RFC2: variants seen among roughly 807,000 people sequenced by gnomAD.
RFC2 encodes the protein replication factor C subunit 2, also known as A1 40 kDa subunit.
Under a neutral mutation model 44.8 loss-of-function variants are expected in RFC2, and 34 were observed. That is an observed-to-expected ratio of 0.76 (90% confidence interval 0.58 to 1.01). The LOEUF is 1.01. Ranked by LOEUF, RFC2 falls within the 50% of genes least tolerant of loss-of-function variation. RFC2 has a pLI of 0.00. For missense variants in RFC2, 400 were observed against 453.6 expected, an observed-to-expected ratio of 0.88 and a Z score of 1.07; for synonymous variants, 177 against 168.9, an observed-to-expected ratio of 1.05 and a Z score of -0.37.
Position 74,231,881 on chromosome 7 carries a change from T to G in RFC2, c.*225A>C, listed in dbSNP as rs782744465. The G allele has an allele frequency of 1.3e-5, 5 of 388,368 alleles. No individual in the cohort carries two copies. The highest frequency in any genetic ancestry group is 2.3e-5 in the Non-Finnish European group (5 of 215,478). 24.1% of individuals were successfully genotyped at this position (388,368 alleles called of 1,614,324 possible). On this transcript the variant is annotated 3_prime_UTR_variant, in exon 11 of 11. Coordinates refer to ENST00000055077, the MANE Select transcript of RFC2 (RefSeq NM_181471.3). ...TTTTAGTAAAGACAGGGTTTCCCCA[T>G]GTTGGCCAGGCTGGTCTTGAACTTC...
intron 1 of RFC2, among the ~76,000 whole-genome samples, 177 bp from the exon 2 acceptor site, chr7:74,252,675 C>G (rs1315992343): frequency 6.6e-6 from 1 of 152,162 alleles, no homozygotes; most frequent in Non-Finnish European, 1.5e-5. Context: ...TGGCTCACAC[C>G]TGTAATCCTA....
chr7:74,240,191 C>G, intron 6 of RFC2, 96 bp from the exon 7 acceptor site: 1 of 1,108,820 alleles, frequency 9.0e-7, no homozygotes, highest in Admixed American at 2.2e-5. Context: ...ACAATCCACA[C>G]AGCCCCAGGC....
chr7:74,237,848 C>T (rs911773094), intron 8 of RFC2, among the ~76,000 whole-genome samples: 1 of 152,126 alleles, frequency 6.6e-6, no homozygotes, highest in Non-Finnish European at 1.5e-5. Flanking sequence ...ACTGGCCTTC[C>T]CTACAAAAGG....
intron 5 of RFC2, among the ~76,000 whole-genome samples, chr7:74,244,085 T>C (rs1554719625): frequency 1.7e-5 from 2 of 114,888 alleles, no homozygotes; most frequent in African/African-American, 7.2e-5. Context: ...ACGTCAACTC[T>C]ACTAAAAATA....
rs782112033 is a variant in RFC2 at position 74,246,695 on chromosome 7, C to G, written c.401G>C (p.Arg134Pro). The change falls in exon 5 of 11, where the codon CGA becomes CCA. Residue 134 changes from arginine to proline, a missense_variant. Transcript: ENST00000055077. The stretch of plus-strand genomic sequence containing the variant: ...TTCATCCAGAATGATGATCTTATGT[C>G]GGCCTTTGGGAAGAGTGACTTTTTG... Reference protein sequence around the residue: ...AQQKVTLPKGRHKIIILDEAD... With the variant: ...AQQKVTLPKGPHKIIILDEAD... 1 of 1,611,394 alleles carries G rather than the reference C, an allele frequency of 6.2e-7. No individual in the cohort carries two copies. The highest frequency in any genetic ancestry group is 1.1e-5 in the South Asian group (1 of 90,796).
chr7:74,249,197 T>A lies in RFC2; in HGVS notation c.226-79A>T, dbSNP rs544069260. 5.0e-6 allele frequency: 8 copies of A among 1,602,900 alleles called. No individual in the cohort carries two copies. In the South Asian group the frequency reaches 8.8e-5, roughly 18 times the overall value. On this transcript the variant is annotated intron_variant, in intron 3 of 10. Coordinates refer to ENST00000055077, the MANE Select transcript of RFC2 (RefSeq NM_181471.3). ...GCTCTTGAGTTATGTTCACTGCTGTTTGCATCTCCGTCACCTCTGACCCCT... is the reference window on the plus strand; with the variant it reads ...GCTCTTGAGTTATGTTCACTGCTGTATGCATCTCCGTCACCTCTGACCCCT...
intron 3 of RFC2, chr7:74,249,319 T>C: frequency 1.2e-6 from 1 of 825,102 alleles, no homozygotes; most frequent in Non-Finnish European, 1.9e-6. Context: ...GGCGGGCAGA[T>C]CACCTGAGGT....
At chr7:74,243,078 A>G in intron 6 of RFC2, 68 bp downstream of exon 6, 2 of 1,009,176 alleles carry the variant, frequency 2.0e-6, no homozygotes, top group East Asian at 2.4e-5. Flanking sequence ...GGGAGACCAC[A>G]TCTATAAAAA....
intron 1 of RFC2, among the ~76,000 whole-genome samples, chr7:74,252,782 A>C (rs1226786645): frequency 6.6e-6 from 1 of 152,052 alleles, no homozygotes; most frequent in Non-Finnish European, 1.5e-5. Context: ...TTAAAATACA[A>C]AAATTAGCTG....
chr7:74,238,824 G>T lies in RFC2; in HGVS notation c.759+99C>A. On this transcript the variant is annotated intron_variant, in intron 8 of 10. Coordinates refer to ENST00000055077, the MANE Select transcript of RFC2 (RefSeq NM_181471.3). The surrounding 1 kb of genome is among the most constrained non-coding windows in gnomAD (Gnocchi z 4.0). ...TCCCTGGCACCCACAAGAGCAGCTAGATGTCCGTCCCCACTGCCAGCCCAG... is the reference window on the plus strand; with the variant it reads ...TCCCTGGCACCCACAAGAGCAGCTATATGTCCGTCCCCACTGCCAGCCCAG... The T allele has an allele frequency of 2.2e-6, 2 of 913,530 alleles. No homozygotes were observed. The highest frequency in any genetic ancestry group is 3.7e-5 in the Admixed American group (2 of 53,818). 56.6% of individuals were successfully genotyped at this position (913,530 alleles called of 1,614,324 possible). A position where few individuals can be genotyped will look rare whatever the true frequency, so the allele number is the denominator to read the frequency against.
chr7:74,249,241 A>T, intron 3 of RFC2, 123 bp from the exon 4 acceptor site: 1 of 1,542,196 alleles, frequency 6.5e-7, no homozygotes. Flanking sequence ...CCCACAGCAC[A>T]CACAGATCAA....
At chr7:74,239,467 G>T (rs139817343) in intron 7 of RFC2, among the ~76,000 whole-genome samples, 2 of 152,016 alleles carry the variant, frequency 1.3e-5, no homozygotes, top group Non-Finnish European at 1.5e-5. Context: ...GAGTAGCTGA[G>T]ACTACAGGCG....
chr7:74,252,694 T>G (rs797038546), intron 1 of RFC2, among the ~76,000 whole-genome samples, 196 bp from the exon 2 acceptor site: 5 of 152,158 alleles, frequency 3.3e-5, no homozygotes, highest in African/African-American at 1.2e-4. Context: ...TAGCACTTTG[T>G]GAGGCTGAGG....
At chr7:74,248,922 G>C (rs149292802) in intron 4 of RFC2, 90 bp downstream of exon 4, 4 of 879,580 alleles carry the variant, frequency 4.5e-6, no homozygotes, top group Non-Finnish European at 7.6e-6. Context: ...GCAAGGCTTC[G>C]CATACAACCC....
At chr7:74,248,849 C>A (rs1195942536) in intron 4 of RFC2, among the ~76,000 whole-genome samples, 163 bp downstream of exon 4, 1 of 152,198 alleles carries the variant, frequency 6.6e-6, no homozygotes, top group Admixed American at 6.6e-5. Flanking sequence ...AAAAATAAAC[C>A]GGCAAGTTGA....
At chr7:74,242,668 G>C (rs1289598811) in intron 6 of RFC2, among the ~76,000 whole-genome samples, 1 of 149,960 alleles carries the variant, frequency 6.7e-6, no homozygotes, top group African/African-American at 2.5e-5. Context: ...TGTAATTCCA[G>C]CACTTTGGGA....
At chr7:74,239,371 G>A (rs1006019826) in intron 7 of RFC2, among the ~76,000 whole-genome samples, 1 of 150,912 alleles carries the variant, frequency 6.6e-6, no homozygotes, top group Admixed American at 6.6e-5. Flanking sequence ...TCGCTCTGTC[G>A]CCCAGGCTGG....
At chr7:74,246,338 G>A (rs1419217348) in intron 5 of RFC2, among the ~76,000 whole-genome samples, 4 of 151,456 alleles carry the variant, frequency 2.6e-5, no homozygotes, top group African/African-American at 9.7e-5. Context: ...GGCGGAGGTT[G>A]CAGTGAGCAG....
intron 9 of RFC2, among the ~76,000 whole-genome samples, chr7:74,236,554 C>T (rs1171524360): frequency 6.6e-6 from 1 of 152,168 alleles, no homozygotes; most frequent in African/African-American, 2.4e-5. Context: ...AGCACTCAGT[C>T]CCATTGTGAG....
Sources: allele counts gnomAD v4.1 joint callset (sites outside exome capture counted in the v4.1 genomes callset), GRCh38; gene constraint gnomAD v4.1.1; non-coding constraint Gnocchi (gnomAD v3.1); transcripts MANE v1.5; gene names NCBI Gene and HGNC (gene_info 2026-07-23, HGNC 2026-07-21).